The following FAR1 variants were observed in gnomAD, a reference collection of about 807,000 sequenced individuals.
FAR1 encodes the protein male sterility domain-containing protein 2.
In FAR1, 22 loss-of-function variants were observed where a neutral mutation model predicts 61.1. That is an observed-to-expected ratio of 0.36 (90% CI 0.26 to 0.51). FAR1 has a LOEUF of 0.51. FAR1 is among the 20% of genes least tolerant of loss of function. The pLI, the probability that FAR1 is intolerant of heterozygous loss-of-function variation, is 0.95. For synonymous variants in FAR1, 206 were observed against 209.7 expected (o/e 0.98, Z 0.15); for missense variants, 359 against 626.9 (o/e 0.57, Z 4.56).
chr11:13,723,043 C>T (rs1167944463), intron 10 of FAR1, among the ~76,000 whole-genome samples: 1 of 151,782 alleles, frequency 6.6e-6, no homozygotes, highest in African/African-American at 2.4e-5. Context: ...TTGTTTCACC[C>T]TTGGTTTTGG....
intron 1 of FAR1, among the ~76,000 whole-genome samples, chr11:13,691,011 T>G (rs1848243539): frequency 6.6e-6 from 1 of 152,238 alleles, no homozygotes; most frequent in Admixed American, 6.5e-5. Flanking sequence ...CATTTGTGTC[T>G]GTTTTGTGCT....
At chr11:13,718,549 G>A (rs959325648) in intron 9 of FAR1, among the ~76,000 whole-genome samples, 2 of 152,086 alleles carry the variant, frequency 1.3e-5, no homozygotes, top group African/African-American at 4.8e-5. Flanking sequence ...TAGAGATTTT[G>A]TTTACCACTT....
chr11:13,674,971 T>C (rs1198073915), intron 1 of FAR1, among the ~76,000 whole-genome samples: 2 of 151,876 alleles, frequency 1.3e-5, no homozygotes, highest in African/African-American at 4.8e-5. Flanking sequence ...TCACCAACTT[T>C]AAGAGTTACT....
intron 10 of FAR1, among the ~76,000 whole-genome samples, chr11:13,727,150 C>T (rs1337457753): frequency 2.0e-5 from 3 of 151,926 alleles, no homozygotes; most frequent in African/African-American, 4.8e-5. Context: ...AAGTATTCTC[C>T]AGGAAAATTA....
intron 1 of FAR1, among the ~76,000 whole-genome samples, chr11:13,679,974 T>C (rs945804257): frequency 6.6e-6 from 1 of 151,836 alleles, no homozygotes; most frequent in African/African-American, 2.4e-5. Flanking sequence ...ATATAGACAG[T>C]TAAATATTGG....
chr11:13,697,294 CT>C (rs546846838), intron 2 of FAR1, among the ~76,000 whole-genome samples: 3 of 151,930 alleles, frequency 2.0e-5, no homozygotes, highest in Non-Finnish European at 4.4e-5. Context: ...AACCCCATCT[CT>C]ACTAAAAAAT....
At chr11:13,711,028 G>A in intron 5 of FAR1, 158 bp downstream of exon 5, 1 of 598,854 alleles carries the variant, frequency 1.7e-6, no homozygotes, top group East Asian at 3.1e-5. Flanking sequence ...AATTTTATTG[G>A]TACTTTCATT....
chr11:13,712,950 A>G lies in FAR1; in HGVS notation c.888-16A>G, dbSNP rs1267974116. On this transcript the variant is annotated splice_polypyrimidine_tract_variant and intron_variant, in intron 7 of 11. Transcript: ENST00000354817. Reference sequence around the variant, plus strand: ...CCTCTTATTATGATTAATTGGTTTCATCTTTGTCTTTGCAGACCAAGAAAC... The same window carrying G: ...CCTCTTATTATGATTAATTGGTTTCGTCTTTGTCTTTGCAGACCAAGAAAC... The G allele has an allele frequency of 1.9e-6, 3 of 1,609,454 alleles. No homozygotes were observed. The highest frequency in any genetic ancestry group is 3.3e-5 in the Admixed American group (2 of 59,864).
At chr11:13,697,239 C>G (rs1848317307) in intron 2 of FAR1, among the ~76,000 whole-genome samples, 1 of 151,896 alleles carries the variant, frequency 6.6e-6, no homozygotes, top group Non-Finnish European at 1.5e-5. Context: ...GCTGGTGGGT[C>G]ACTTGAGGCC....
intron 2 of FAR1, among the ~76,000 whole-genome samples, chr11:13,697,142 T>A (rs536614203): frequency 1.3e-5 from 2 of 152,020 alleles, no homozygotes; most frequent in Non-Finnish European, 2.9e-5. Flanking sequence ...AGAAACTCCA[T>A]TGGGTGATGA....
At chr11:13,698,817 C>G (rs1848337690) in intron 2 of FAR1, among the ~76,000 whole-genome samples, 1 of 149,726 alleles carries the variant, frequency 6.7e-6, no homozygotes, top group Non-Finnish European at 1.5e-5. Flanking sequence ...GGCAACAGAG[C>G]AAGACTCCGT....
intron 4 of FAR1, among the ~76,000 whole-genome samples, chr11:13,708,447 G>GTGCGCACA: frequency 7.3e-6 from 1 of 136,700 alleles, no homozygotes; most frequent in East Asian, 2.1e-4. Flanking sequence ...GCGCGCGCGC[G>GTGCGCACA]CACACACACA....
At chr11:13,684,615 G>A (rs1298895380) in intron 1 of FAR1, among the ~76,000 whole-genome samples, 1 of 152,204 alleles carries the variant, frequency 6.6e-6, no homozygotes, top group African/African-American at 2.4e-5. Context: ...TAGACTTGGA[G>A]TCCCAGGGAT....
intron 10 of FAR1, 86 bp from the exon 11 acceptor site, chr11:13,727,470 C>A: frequency 8.2e-7 from 1 of 1,212,302 alleles, no homozygotes; most frequent in Non-Finnish European, 1.2e-6. Context: ...TCACTTGGAA[C>A]TGGCCTTTAG....
chr11:13,669,158 G>T (rs1847965033), intron 1 of FAR1, among the ~76,000 whole-genome samples: 1 of 152,214 alleles, frequency 6.6e-6, no homozygotes, highest in African/African-American at 2.4e-5. Flanking sequence ...CGGGCTCCGC[G>T]TGCTCGCGGG....
In FAR1 at chr11:13,730,068, T is replaced by TTACTGTTTTAACATAC; in HGVS notation, c.*1295_*1310dup. ...TTTTAATCATAATAGTTAACTCTAC[T>TTACTGTTTTAACATAC]TACTGTTTTAACATACATTTGATTT... On this transcript the variant is annotated 3_prime_UTR_variant, in exon 12 of 12. Coordinates refer to ENST00000354817, the MANE Select transcript of FAR1 (RefSeq NM_032228.6). The TTACTGTTTTAACATAC allele has an allele frequency of 6.6e-6, 1 of 152,538 alleles. No homozygotes were observed. The highest frequency in any genetic ancestry group is 2.1e-4 in the South Asian group (1 of 4,828). 9.4% of individuals were successfully genotyped at this position (152,538 alleles called of 1,614,324 possible). A position where few individuals can be genotyped will look rare whatever the true frequency, so the allele number is the denominator to read the frequency against.
intron 1 of FAR1, chr11:13,669,660 T>G (rs1847973300): frequency 6.6e-6 from 1 of 152,150 alleles, no homozygotes; most frequent in African/African-American, 2.4e-5. Flanking sequence ...TGGTCAGGTT[T>G]GAAGGTTAAT....
At chr11:13,688,172 G>C (rs1228821469) in intron 1 of FAR1, among the ~76,000 whole-genome samples, 1 of 150,776 alleles carries the variant, frequency 6.6e-6, no homozygotes, top group Non-Finnish European at 1.5e-5. Flanking sequence ...GTCTCTTGTT[G>C]GCAGCAAAAA....
chr11:13,682,490 T>A (rs1848138668), intron 1 of FAR1, among the ~76,000 whole-genome samples: 1 of 152,200 alleles, frequency 6.6e-6, no homozygotes, highest in Non-Finnish European at 1.5e-5. Context: ...AGCTGAGAAG[T>A]TGTTGCTGAG....
Sources: gnomAD v4.1 joint callset for allele counts (sites outside exome capture counted in the v4.1 genomes callset) on GRCh38, gnomAD v4.1.1 for gene constraint, MANE v1.5 for transcripts, NCBI Gene and HGNC (gene_info 2026-07-23, HGNC 2026-07-21) for gene names.